Variants in ANKRD30B observed in about 807,000 individuals in gnomAD.
ANKRD30B encodes ankyrin repeat domain 30B.
Under a neutral mutation model 202.2 loss-of-function variants are expected in ANKRD30B, and 144 were observed. The observed-to-expected ratio is 0.71, with a 90% CI of 0.62 to 0.82. ANKRD30B has a LOEUF of 0.82. ANKRD30B is among the 40% of genes least tolerant of loss of function. The pLI is 0.00. For synonymous variants in ANKRD30B, 508 were observed against 561.3 expected (o/e 0.91, Z 1.34); for missense variants, 1,487 against 1,669.1 (o/e 0.89, Z 1.90).
the ANKRD30B span, among the ~76,000 whole-genome samples, chr18:14,921,439 C>A: frequency 2.0e-5 from 3 of 152,074 alleles, no homozygotes; most frequent in Admixed American, 2.0e-4. Flanking sequence ...TGTGGTGCAA[C>A]CAGGCTTCTG....
intron 30 of ANKRD30B, among the ~76,000 whole-genome samples, chr18:14,819,793 C>A (rs1298191876): frequency 6.6e-6 from 1 of 151,560 alleles, no homozygotes; most frequent in Non-Finnish European, 1.5e-5. Context: ...AAGTCAGGTA[C>A]TGTGATGCCT....
chr18:14,784,794 A>T (rs12969951), intron 14 of ANKRD30B, among the ~76,000 whole-genome samples: 2,818 of 151,978 alleles, frequency 0.019, 37 homozygotes, highest in Non-Finnish European at 0.029. Flanking sequence ...TCTATTTTGA[A>T]CTTCTGTATT....
At chr18:14,808,793 A>C (rs372305918) in intron 26 of ANKRD30B, 49 bp downstream of exon 26, 2 of 1,406,648 alleles carry the variant, frequency 1.4e-6, no homozygotes, top group East Asian at 5.0e-5. Flanking sequence ...ATATTAAACT[A>C]TTTGAAATGC....
At position 14,851,671 on chromosome 18, in the gene ANKRD30B, G is replaced by C. The variant is rs1277557527; in HGVS notation, c.3727G>C (p.Ala1243Pro). The change falls in exon 42 of 44, where the codon GCT becomes CCT. Residue 1243 changes from alanine to proline, a missense_variant. Transcript: ENST00000690538. ...EDIKILQEKN[A>P]ELQMTLKLKQ... ...CATTAAGATTTTACAAGAAAAGAAT[G>C]CTGAACTTCAAATGACCCTAAAACT... 5 of 1,610,674 alleles carry C rather than the reference G, an allele frequency of 3.1e-6. No homozygotes were observed. The highest frequency in any genetic ancestry group is 3.4e-6 in the Non-Finnish European group (4 of 1,178,708).
chr18:14,777,635 C>G (rs1041911025), intron 9 of ANKRD30B, among the ~76,000 whole-genome samples: 3 of 151,810 alleles, frequency 2.0e-5, no homozygotes, highest in Non-Finnish European at 2.9e-5. Flanking sequence ...TGATGCTTGT[C>G]ATTTTTATTA....
At chr18:14,925,316 C>T in the ANKRD30B span, among the ~76,000 whole-genome samples, 4 of 152,078 alleles carry the variant, frequency 2.6e-5, no homozygotes, top group South Asian at 8.3e-4. Flanking sequence ...CATCTTGCCC[C>T]TGGCTGTGGG....
In ANKRD30B at chr18:14,851,803, A is replaced by G; in HGVS notation, c.3859A>G (p.Lys1287Glu). ...TTCTAAATTGAAGGAAAAACAAGAC[A>G]AAGAAATACTGGAGACAGAAATTGA... Reference protein sequence around the residue: ...LTSKLKEKQDKEILETEIESH... With the variant: ...LTSKLKEKQDEEILETEIESH... The change falls in exon 42 of 44, where the codon AAA becomes GAA. Residue 1287 changes from lysine (K) to glutamate (E), a missense_variant. This residue lies in a region of ANKRD30B where 21 missense variants were observed against 57.2 expected (regional missense o/e 0.37). Coordinates refer to ENST00000690538, the MANE Select transcript of ANKRD30B (RefSeq NM_001367607.2). 6.3e-7 allele frequency: 1 copy of G among 1,588,754 alleles called. No individual in the cohort carries two copies. Among genetic ancestry groups the G allele is most frequent in the Non-Finnish European group, 8.6e-7 (1 of 1,166,468 alleles).
chr18:14,865,097 C>A, the ANKRD30B span, among the ~76,000 whole-genome samples: 95 of 151,956 alleles, frequency 6.3e-4, no homozygotes, highest in African/African-American at 2.2e-3. Context: ...CTATTCTCCT[C>A]CCACTTGCCA....
chr18:14,754,581 T>G (rs1914029422), intron 3 of ANKRD30B, among the ~76,000 whole-genome samples: 1 of 152,034 alleles, frequency 6.6e-6, no homozygotes, highest in Non-Finnish European at 1.5e-5. Flanking sequence ...TGTCTTAGGG[T>G]TTAAGGATAT....
Position 14,796,411 on chromosome 18 carries a change from A to C in ANKRD30B, c.1923A>C (p.Lys641Asn), listed in dbSNP as rs780813323. 1.9e-6 allele frequency: 3 copies of C among 1,548,342 alleles called. No homozygotes were observed. The highest frequency in any genetic ancestry group is 2.6e-6 in the Non-Finnish European group (3 of 1,147,040). The change falls in exon 18 of 44, where the codon AAA becomes AAC. Residue 641 changes from lysine to asparagine, a missense_variant. Physicochemically the swap from Lys to Asn is moderately conservative, Grantham distance 94. This residue lies in a region of ANKRD30B where 889 missense variants were observed against 841.4 expected (regional missense o/e 1.06). Transcript: ENST00000690538. ...AATTAAAGGACAGAGAAACATTCAAAGCAGGTAAATTTTGTAATTTAACTT... is the reference window on the plus strand; with the variant it reads ...AATTAAAGGACAGAGAAACATTCAACGCAGGTAAATTTTGTAATTTAACTT... Reference protein sequence around the residue: ...ALELKDRETFKAESPDKDGLL... With the variant: ...ALELKDRETFNAESPDKDGLL...
rs764370138 is a variant in ANKRD30B at position 14,797,736 on chromosome 18, G to C, written c.1957-46G>C. ...TCTTGAATATTAACTACATATTTTT[G>C]AAGTGTACATTATATATTAATTTTT... On this transcript the variant is annotated intron_variant, in intron 19 of 43. Transcript: ENST00000690538. 4 of 1,604,696 alleles carry C rather than the reference G, an allele frequency of 2.5e-6. No individual in the cohort carries two copies. In the East Asian group the frequency reaches 9.0e-5, roughly 36 times the overall value.
intron 30 of ANKRD30B, among the ~76,000 whole-genome samples, chr18:14,818,931 C>A (rs1414981144): frequency 6.6e-6 from 1 of 151,750 alleles, no homozygotes; most frequent in South Asian, 2.1e-4. Flanking sequence ...CCTGAGGAAT[C>A]GCCACACTGA....
At chr18:14,822,292 A>T (rs1240213001) in intron 30 of ANKRD30B, among the ~76,000 whole-genome samples, 191 bp from the exon 31 acceptor site, 1 of 151,888 alleles carries the variant, frequency 6.6e-6, no homozygotes, top group Non-Finnish European at 1.5e-5. Flanking sequence ...TTTATTTTTT[A>T]AATTTTCTTA....
chr18:14,904,473 TCCTCTCTTCTTTC>T, the ANKRD30B span, among the ~76,000 whole-genome samples: 1 of 152,116 alleles, frequency 6.6e-6, no homozygotes, highest in African/African-American at 2.4e-5. Flanking sequence ...ACTTCTTTTC[TCCTCTCTTCTTTC>T]CCTCTCTTCC....
At chr18:14,838,260 G>A (rs1455710313) in intron 36 of ANKRD30B, among the ~76,000 whole-genome samples, 1 of 150,848 alleles carries the variant, frequency 6.6e-6, no homozygotes, top group African/African-American at 2.4e-5. Context: ...ATGAGCAACT[G>A]TATGATTCTG....
the ANKRD30B span, among the ~76,000 whole-genome samples, chr18:14,881,381 C>T: frequency 1.3e-5 from 2 of 152,102 alleles, no homozygotes; most frequent in African/African-American, 4.8e-5. Context: ...TGGTGTATCA[C>T]ATTTATTGAC....
At chr18:14,866,327 T>G in the ANKRD30B span, among the ~76,000 whole-genome samples, 3 of 151,370 alleles carry the variant, frequency 2.0e-5, no homozygotes, top group Admixed American at 6.6e-5. Context: ...GGCTGGAGTG[T>G]TAGGAGGGTG....
rs745674474 is a variant in ANKRD30B at position 14,805,064 on chromosome 18, A to AAT, written c.2284+1253_2284+1254dup. Among the ~76,000 whole-genome samples, 273 of 148,566 alleles carry AAT rather than the reference A, an allele frequency of 1.8e-3. 5 individuals carry two copies. The highest frequency in any genetic ancestry group is 2.7e-3 in the Non-Finnish European group (178 of 66,874). ...TTTTCTTTATTACTATGAGGCATCA[A>AAT]ATATATATATATATGTATATATTTT... is the stretch of plus-strand genomic sequence containing the variant. On this transcript the variant is annotated intron_variant, in intron 24 of 43. Coordinates refer to ENST00000690538, the MANE Select transcript of ANKRD30B (RefSeq NM_001367607.2).
the ANKRD30B span, among the ~76,000 whole-genome samples, chr18:14,924,228 T>C: frequency 6.6e-6 from 1 of 152,240 alleles, no homozygotes; most frequent in African/African-American, 2.4e-5. Flanking sequence ...TATTTTAGCA[T>C]TGAAAGAAAA....
Sources: allele counts gnomAD v4.1 joint callset (sites outside exome capture counted in the v4.1 genomes callset), GRCh38; gene constraint gnomAD v4.1.1; regional missense constraint gnomAD v4.1.1; transcripts MANE v1.5; gene names NCBI Gene and HGNC (gene_info 2026-07-23, HGNC 2026-07-21).